The following TENM4 variants were observed in gnomAD, a reference collection of about 807,000 sequenced individuals.
The protein encoded by TENM4 is teneurin-4.
Under a neutral mutation model 243.3 loss-of-function variants are expected in TENM4, and 82 were observed. The ratio of observed to expected loss-of-function variants is 0.34; its 90% CI spans 0.28 to 0.40. The LOEUF (loss-of-function observed/expected upper bound fraction) is 0.40, where lower values mean the gene tolerates loss of function less well. Ranked by LOEUF, TENM4 falls within the 10% of genes least tolerant of loss-of-function variation. TENM4 has a pLI of 1.00. For missense variants in TENM4, 3,138 were observed against 3,673.3 expected, an observed-to-expected ratio of 0.85 and a Z score of 3.77; for synonymous variants, 1,412 against 1,456.3, an observed-to-expected ratio of 0.97 and a Z score of 0.69.
In TENM4 at chr11:79,003,152, A is replaced by G. The variant is rs117294220; in HGVS notation, c.493+61586T>C. ...GAACAAAGCCTTTAAGAAATATGGA[A>G]TTGTGTAAAGAGGCCAAATCTGTAA... On this transcript the variant is annotated intron_variant, in intron 6 of 33. Coordinates refer to ENST00000278550, the MANE Select transcript of TENM4 (RefSeq NM_001098816.3). Among the ~76,000 whole-genome samples, 1,268 of 152,306 alleles carry G rather than the reference A, an allele frequency of 8.3e-3. 5 individuals are homozygous for G. Among genetic ancestry groups the G allele is most frequent in the Middle Eastern group, 0.014 (4 of 294 alleles).
intron 4 of TENM4, among the ~76,000 whole-genome samples, chr11:79,074,272 G>T (rs535538478): frequency 7.9e-5 from 12 of 152,232 alleles, no homozygotes; most frequent in South Asian, 6.2e-4. Flanking sequence ...GAAGAGGTTG[G>T]GGTGAAAGAG....
intron 4 of TENM4, among the ~76,000 whole-genome samples, chr11:79,108,618 A>T (rs1056713611): frequency 6.6e-6 from 1 of 152,202 alleles, no homozygotes; most frequent in Non-Finnish European, 1.5e-5. Context: ...CACCAAAATT[A>T]GCATCACCGA....
intron 4 of TENM4, among the ~76,000 whole-genome samples, chr11:79,141,079 A>G (rs1352539595): frequency 3.3e-5 from 5 of 152,096 alleles, no homozygotes; most frequent in African/African-American, 7.2e-5. Context: ...CAGGCTTAAC[A>G]CAGAATCATC....
At chr11:78,798,943 G>A (rs1857223132) in intron 15 of TENM4, among the ~76,000 whole-genome samples, 1 of 152,096 alleles carries the variant, frequency 6.6e-6, no homozygotes, top group African/African-American at 2.4e-5. Context: ...GAATAATTAG[G>A]CGTCTCATTT....
At chr11:79,317,398 G>T (rs1346206905) in intron 1 of TENM4, among the ~76,000 whole-genome samples, 2 of 152,158 alleles carry the variant, frequency 1.3e-5, no homozygotes, top group Non-Finnish European at 2.9e-5. Context: ...GGAAGGGGGG[G>T]TCAGGGCGCA....
At chr11:78,855,013 A>T (rs1858644131) in intron 11 of TENM4, among the ~76,000 whole-genome samples, 1 of 152,320 alleles carries the variant, frequency 6.6e-6, no homozygotes, top group Admixed American at 6.5e-5. Flanking sequence ...TAGGTGGTTA[A>T]GTCCTACTGG....
At chr11:78,750,400 T>C (rs1856161183) in intron 19 of TENM4, among the ~76,000 whole-genome samples, 1 of 152,256 alleles carries the variant, frequency 6.6e-6, no homozygotes. Context: ...GATGCTCTAA[T>C]GGCCAAGTCT....
At chr11:78,868,490 T>A (rs796473786) in intron 9 of TENM4, among the ~76,000 whole-genome samples, 1 of 152,202 alleles carries the variant, frequency 6.6e-6, no homozygotes, top group Non-Finnish European at 1.5e-5. Context: ...CTGATTCTCT[T>A]GGCTCTGGTC....
intron 4 of TENM4, among the ~76,000 whole-genome samples, chr11:79,127,641 C>T (rs190083418): frequency 1.6e-4 from 24 of 152,306 alleles, no homozygotes; most frequent in South Asian, 4.1e-4. Flanking sequence ...TAATCTTATT[C>T]GGGGAGACCT....
chr11:79,008,409 AT>A (rs1334680965), intron 6 of TENM4, among the ~76,000 whole-genome samples: 1 of 152,190 alleles, frequency 6.6e-6, no homozygotes, highest in African/African-American at 2.4e-5. Flanking sequence ...AATAATAAAA[AT>A]TTAGAAAAAA....
chr11:79,414,790 G>A (rs1316344281), intron 1 of TENM4, among the ~76,000 whole-genome samples: 1 of 152,216 alleles, frequency 6.6e-6, no homozygotes, highest in Admixed American at 6.5e-5. Context: ...ACCCAACCAA[G>A]CAGCCCTGCC....
chr11:79,245,584 A>G (rs994800895), intron 2 of TENM4, among the ~76,000 whole-genome samples: 8 of 152,200 alleles, frequency 5.3e-5, no homozygotes, highest in African/African-American at 1.9e-4. Flanking sequence ...AGGTTAAATG[A>G]GATGTCACGT....
intron 7 of TENM4, among the ~76,000 whole-genome samples, chr11:78,899,903 C>T (rs560751319): frequency 6.6e-6 from 1 of 152,264 alleles, no homozygotes; most frequent in Admixed American, 6.5e-5. Context: ...CAAATAAATC[C>T]TTTTTCTTTA....
intron 21 of TENM4, among the ~76,000 whole-genome samples, chr11:78,730,994 T>C (rs1855653154): frequency 6.6e-6 from 1 of 152,244 alleles, no homozygotes; most frequent in Non-Finnish European, 1.5e-5. Context: ...TTAAAATTCA[T>C]ATCTCCCAGC....
intron 7 of TENM4, among the ~76,000 whole-genome samples, chr11:78,896,940 C>T (rs1406518468): frequency 6.6e-6 from 1 of 152,172 alleles, no homozygotes; most frequent in Non-Finnish European, 1.5e-5. Context: ...GACTGCTATC[C>T]TTTGCAATGC....
chr11:79,102,352 C>A (rs1861254502), intron 4 of TENM4, among the ~76,000 whole-genome samples: 1 of 152,198 alleles, frequency 6.6e-6, no homozygotes, highest in South Asian at 2.1e-4. Flanking sequence ...GGGGGATCCC[C>A]AGGGAGCTCC....
chr11:79,419,799 G>C (rs968837415), intron 1 of TENM4, among the ~76,000 whole-genome samples: 1 of 152,110 alleles, frequency 6.6e-6, no homozygotes, highest in Non-Finnish European at 1.5e-5. Context: ...CCCATGAACT[G>C]GCTTCGTGGG....
intron 6 of TENM4, among the ~76,000 whole-genome samples, chr11:78,925,157 C>A (rs751246131): frequency 6.6e-6 from 1 of 152,064 alleles, no homozygotes; most frequent in East Asian, 1.9e-4. Context: ...CCCTTCTCTC[C>A]CAACAAAACA....
At chr11:78,844,417 G>A (rs1285188019) in intron 12 of TENM4, among the ~76,000 whole-genome samples, 1 of 152,206 alleles carries the variant, frequency 6.6e-6, no homozygotes, top group Non-Finnish European at 1.5e-5. Flanking sequence ...GCCAAGGCAG[G>A]CAGATCACGA....
Sources: gnomAD v4.1 joint callset for allele counts (sites outside exome capture counted in the v4.1 genomes callset) on GRCh38, gnomAD v4.1.1 for gene constraint, MANE v1.5 for transcripts, NCBI Gene and HGNC (gene_info 2026-07-23, HGNC 2026-07-21) for gene names.